Variants in ASPRV1 observed in about 807,000 individuals in gnomAD.
The protein encoded by ASPRV1 is retroviral-like aspartic protease 1.
A neutral mutation model predicts 11.0 loss-of-function variants in ASPRV1; 7 were observed. The ratio of observed to expected loss-of-function variants is 0.64; its 90% CI spans 0.36 to 1.20. ASPRV1 has a LOEUF of 1.20. Ranked by LOEUF, ASPRV1 falls within the 50% of genes most tolerant of loss-of-function variation. ASPRV1 has a pLI of 0.02. For missense variants in ASPRV1, 299 were observed against 320.0 expected (o/e 0.93, Z 0.50); for synonymous variants, 136 against 138.4 (o/e 0.98, Z 0.12).
At chr2:70,050,564 A>C in the ASPRV1 span, 1 of 152,188 alleles carries the variant, frequency 6.6e-6, no homozygotes, top group Admixed American at 6.5e-5. Flanking sequence ...ACATAGACAA[A>C]GTTGAAAGGA....
chr2:70,043,858 G>A, the ASPRV1 span, among the ~76,000 whole-genome samples: 3 of 152,166 alleles, frequency 2.0e-5, no homozygotes, highest in Admixed American at 1.3e-4. Context: ...GCCTCCATCC[G>A]AACATGCTGG....
chr2:70,021,481 G>A, the ASPRV1 span, among the ~76,000 whole-genome samples: 1 of 151,746 alleles, frequency 6.6e-6, no homozygotes, highest in Non-Finnish European at 1.5e-5. Context: ...GCCACGCCCG[G>A]CTAATTTTTT....
the ASPRV1 span, among the ~76,000 whole-genome samples, chr2:70,080,233 T>A: frequency 2.1e-4 from 19 of 92,012 alleles, no homozygotes; most frequent in African/African-American, 1.6e-3. Flanking sequence ...GCCCCTTCTG[T>A]TTTTTTTTTT....
the ASPRV1 span, chr2:70,049,110 C>T: frequency 6.6e-6 from 1 of 150,802 alleles, no homozygotes; most frequent in Non-Finnish European, 1.5e-5. Flanking sequence ...CATATGTATA[C>T]ATGTGCCATG....
the ASPRV1 span, among the ~76,000 whole-genome samples, chr2:69,998,545 T>C: frequency 1.3e-5 from 2 of 151,736 alleles, no homozygotes; most frequent in Non-Finnish European, 2.9e-5. Context: ...GAGACCACGG[T>C]GAAACCCCGT....
At chr2:70,067,891 A>G in the ASPRV1 span, among the ~76,000 whole-genome samples, 1 of 152,150 alleles carries the variant, frequency 6.6e-6, no homozygotes, top group Admixed American at 6.5e-5. Context: ...AAATTAAATA[A>G]TTTTTCAAAA....
the ASPRV1 span, chr2:70,063,743 C>T: frequency 6.6e-6 from 1 of 152,178 alleles, no homozygotes; most frequent in African/African-American, 2.4e-5. Flanking sequence ...CACTCTCACT[C>T]AAATCCTTGT....
the ASPRV1 span, among the ~76,000 whole-genome samples, chr2:69,996,225 A>C: frequency 9.3e-5 from 14 of 150,506 alleles, no homozygotes; most frequent in African/African-American, 3.4e-4. Flanking sequence ...AAAAAAAAAA[A>C]AAAAAAAAAA....
chr2:69,939,814 G>C, the ASPRV1 span: 1 of 152,310 alleles, frequency 6.6e-6, no homozygotes, highest in African/African-American at 2.4e-5. Context: ...CGGCTGACTC[G>C]GCAGCGGGCA....
the ASPRV1 span, among the ~76,000 whole-genome samples, chr2:70,018,580 A>G: frequency 6.6e-6 from 1 of 152,182 alleles, no homozygotes; most frequent in Non-Finnish European, 1.5e-5. Context: ...ACAGACACAT[A>G]GACTAAAGGA....
At chr2:69,966,275 C>A (rs137871124), upstream of ASPRV1, among the ~76,000 whole-genome samples, 21 of 152,356 alleles carry the variant, frequency 1.4e-4, no homozygotes, top group East Asian at 4.0e-3. Context: ...CTAAGATGTC[C>A]TGAAGGCCTT....
chr2:70,084,470 T>C, the ASPRV1 span, among the ~76,000 whole-genome samples: 1 of 152,210 alleles, frequency 6.6e-6, no homozygotes, highest in Admixed American at 6.5e-5. Flanking sequence ...GCTTTACCAC[T>C]TAATAGCTGT....
Position 69,961,190 on chromosome 2 carries a change from C to G in ASPRV1, c.247G>C (p.Ala83Pro). The G allele has an allele frequency of 6.2e-7, 1 of 1,613,746 alleles. No individual in the cohort carries two copies. The highest frequency in any genetic ancestry group is 1.3e-5 in the African/African-American group (1 of 75,010). ...DQGDYGTVKE[A>P]LLKAFGVPGA... is the part of the protein sequence containing the mutation. ...GGGACCCCAAAGGCCTTCAGGAGGGCCTCTTTCACAGTCCCATAGTCTCCC... is the reference window on the plus strand; with the variant it reads ...GGGACCCCAAAGGCCTTCAGGAGGGGCTCTTTCACAGTCCCATAGTCTCCC... Residue 83 changes from alanine (A) to proline (P), a missense_variant, in exon 1 of 1, where the codon GCC becomes CCC. Ala to Pro is a conservative substitution (Grantham distance 27). Transcript: ENST00000320256.
chr2:70,043,605 C>T, the ASPRV1 span, among the ~76,000 whole-genome samples: 2 of 152,224 alleles, frequency 1.3e-5, no homozygotes, highest in Admixed American at 6.5e-5. Context: ...CTTAGCATAG[C>T]TCATTGGGAA....
chr2:70,025,144 T>C, the ASPRV1 span, among the ~76,000 whole-genome samples: 1 of 152,218 alleles, frequency 6.6e-6, no homozygotes, highest in Non-Finnish European at 1.5e-5. Flanking sequence ...CAACAGACAC[T>C]AGACAGACAC....
rs3796097 is a variant in ASPRV1, at chr2:69,961,544, T to C, written c.-108A>G. ...GAAAACGGGGCCTCTCGAAGCAGAG[T>C]GGGGATGACTTGCCCGGCCTTGGGC... On this transcript the variant is annotated 5_prime_UTR_variant, in exon 1 of 1. Transcript: ENST00000320256. 0.56 allele frequency: 898,135 copies of C among 1,613,724 alleles called. 256,699 individuals carry two copies. Among genetic ancestry groups the C allele is most frequent in the African/African-American group, 0.86 (64,171 of 74,972 alleles).
chr2:70,085,533 G>T, the ASPRV1 span: 1 of 152,136 alleles, frequency 6.6e-6, no homozygotes, highest in African/African-American at 2.4e-5. Context: ...GAAAAACCTG[G>T]AAAATGTGCT....
the ASPRV1 span, among the ~76,000 whole-genome samples, chr2:69,932,829 G>A: frequency 6.6e-6 from 1 of 152,114 alleles, no homozygotes; most frequent in East Asian, 1.9e-4. Flanking sequence ...GTACTAAAAT[G>A]ACACTGTTCT....
chr2:69,966,603 A>ATCAAAACAT (rs1462099043), upstream of ASPRV1, among the ~76,000 whole-genome samples: 1 of 152,256 alleles, frequency 6.6e-6, no homozygotes, highest in Admixed American at 6.5e-5. Context: ...TATTCAGGCA[A>ATCAAAACAT]TCAAAACATT....
Sources: allele counts gnomAD v4.1 joint callset (sites outside exome capture counted in the v4.1 genomes callset), GRCh38; gene constraint gnomAD v4.1.1; transcripts MANE v1.5; gene names NCBI Gene and HGNC (gene_info 2026-07-23, HGNC 2026-07-21).